GAS2L1: variants seen among roughly 807,000 people sequenced by gnomAD.
The protein encoded by GAS2L1 is GAS2-like protein 1.
GAS2L1 carries 26 observed loss-of-function variants against 44.0 expected under a neutral mutation model. The ratio of observed to expected loss-of-function variants is 0.59; its 90% CI spans 0.43 to 0.82. GAS2L1 has a LOEUF of 0.82. Ranked by LOEUF, GAS2L1 falls within the 40% of genes least tolerant of loss-of-function variation. GAS2L1 has a pLI of 0.00. For synonymous variants in GAS2L1, 426 were observed against 415.9 expected (o/e 1.02, Z -0.30); for missense variants, 1,006 against 983.0 (o/e 1.02, Z -0.31).
chr22:29,308,134 G>T (rs757706218), exon 1 of GAS2L1: 1 of 1,566,558 alleles, frequency 6.4e-7, no homozygotes, highest in South Asian at 1.2e-5. Context: ...GGCATCGCGG[G>T]CTCGGCGGCC....
intron 1 of GAS2L1, among the ~76,000 whole-genome samples, chr22:29,309,039 CCTT>C (rs1569139427): frequency 6.6e-6 from 1 of 152,242 alleles, no homozygotes; most frequent in Admixed American, 6.5e-5. Flanking sequence ...CTTGTGCATT[CCTT>C]CTTCTGGGGG....
At chr22:29,308,895 G>A (rs2061377223) in intron 1 of GAS2L1, among the ~76,000 whole-genome samples, 157 bp downstream of exon 2, 1 of 152,220 alleles carries the variant, frequency 6.6e-6, no homozygotes, top group Non-Finnish European at 1.5e-5. Flanking sequence ...ATGTATACCT[G>A]ACCCCAAGGA....
chr22:29,308,223 T>G, exon 1 of GAS2L1: 1 of 1,609,234 alleles, frequency 6.2e-7, no homozygotes, highest in Non-Finnish European at 8.5e-7. Flanking sequence ...GCTCAATGCC[T>G]TGTACGGCCT....
chr22:29,312,480 CCA>C lies in GAS2L1; in HGVS notation c.2030_2031del (p.Pro677ArgfsTer68). 1 of 1,509,940 alleles carries C rather than the reference CCA, an allele frequency of 6.6e-7. No homozygotes were observed. The highest frequency in any genetic ancestry group is 8.9e-7 in the Non-Finnish European group (1 of 1,128,630). 93.5% of individuals were successfully genotyped at this position (1,509,940 alleles called of 1,614,324 possible). A position where few individuals can be genotyped will look rare whatever the true frequency, so the allele number is the denominator to read the frequency against. ...GCACTCAGTCACCCCGAGGGCTGAGCCAGATTCCTGGATGTGATGGACCAGCT... is the reference window on the plus strand; with the variant it reads ...GCACTCAGTCACCCCGAGGGCTGAGCGATTCCTGGATGTGATGGACCAGCT... On this transcript the variant is annotated frameshift_variant, in exon 5 of 5. Coordinates refer to ENST00000618518, the Ensembl canonical transcript of GAS2L1. LOFTEE classifies it high-confidence loss of function.
At position 29,308,618 on chromosome 22, in the gene GAS2L1, A is replaced by AC. The variant is rs1569139026; in HGVS notation, c.518dup (p.Ala174SerfsTer13). 1 of 1,586,478 alleles carries AC rather than the reference A, an allele frequency of 6.3e-7. No individual in the cohort carries two copies. Among genetic ancestry groups the AC allele is most frequent in the Non-Finnish European group, 8.6e-7 (1 of 1,165,554 alleles). ...AGATTGAGCGGGAGCTGCGTGCTGC[A>AC]CCCCCAGCCCCCAACGCCCCTGCCG... On this transcript the variant is annotated frameshift_variant, in exon 1 of 5. Coordinates refer to ENST00000618518, the Ensembl canonical transcript of GAS2L1. LOFTEE classifies it high-confidence loss of function.
At chr22:29,311,728 C>T (rs913894355) in exon 5 of GAS2L1, 22 of 1,531,790 alleles carry the variant, frequency 1.4e-5, no homozygotes, top group African/African-American at 5.5e-5. Context: ...GCCCAGCTGT[C>T]GGTCCCCAGC....
In GAS2L1 at chr22:29,310,420, C is replaced by A; in HGVS notation, c.634-19C>A. 7.1e-7 allele frequency: 1 copy of A among 1,401,688 alleles called. No individual in the cohort carries two copies. Among genetic ancestry groups the A allele is most frequent in the Non-Finnish European group, 1.0e-6 (1 of 988,366 alleles). 86.8% of individuals were successfully genotyped at this position (1,401,688 alleles called of 1,614,324 possible). A position where few individuals can be genotyped will look rare whatever the true frequency, so the allele number is the denominator to read the frequency against. On this transcript the variant is annotated intron_variant, in intron 1 of 4. Coordinates refer to ENST00000618518, the Ensembl canonical transcript of GAS2L1. ...GGAGGACTTGACCTCTGACCCCTAC[C>A]CTCTCTCTCTGGCCTCAGGTGAGGG...
At chr22:29,311,790 G>A in exon 5 of GAS2L1, 3 of 1,571,524 alleles carry the variant, frequency 1.9e-6, no homozygotes, top group Non-Finnish European at 2.6e-6. Context: ...TGTGCTGCTT[G>A]TGCGCAGGGA....
intron 1 of GAS2L1, 180 bp from the exon 3 acceptor site, chr22:29,310,259 A>AAT: frequency 2.1e-5 from 7 of 328,868 alleles, no homozygotes; most frequent in Non-Finnish European, 3.8e-5. Context: ...AAAAAAAAAT[A>AAT]AAAAAAAATA....
chr22:29,311,915 C>T, exon 5 of GAS2L1: 3 of 1,603,042 alleles, frequency 1.9e-6, no homozygotes, highest in Non-Finnish European at 2.5e-6. Context: ...TTTCCCGGGT[C>T]TCCAGCCCCA....
exon 5 of GAS2L1, chr22:29,311,894 A>G (rs1460850647): frequency 1.9e-6 from 3 of 1,600,492 alleles, no homozygotes; most frequent in Non-Finnish European, 2.5e-6. Context: ...GCAGCCCTGC[A>G]GCACCCCGGC....
At position 29,312,123 on chromosome 22, in the gene GAS2L1, TCTGC is replaced by T; in HGVS notation, c.1675_1678del (p.Ala559IlefsTer56). The T allele has an allele frequency of 6.2e-7, 1 of 1,612,780 alleles. No homozygotes were observed. Among genetic ancestry groups the T allele is most frequent in the East Asian group, 2.2e-5 (1 of 44,870 alleles). On this transcript the variant is annotated frameshift_variant, in exon 5 of 5. Transcript: ENST00000618518. LOFTEE classifies it high-confidence loss of function. The stretch of plus-strand genomic sequence containing the variant: ...GGCCCCCGACCCTCCAGCTCCTGAC[TCTGC>T]CTATTGTTCCTCCAGTTCCTCCTCT...
exon 1 of GAS2L1, chr22:29,308,134 G>A (rs757706218): frequency 6.4e-7 from 1 of 1,566,558 alleles, no homozygotes; most frequent in Non-Finnish European, 8.7e-7. Flanking sequence ...GGCATCGCGG[G>A]CTCGGCGGCC....
At chr22:29,308,427 G>A (rs772163549) in exon 1 of GAS2L1, 1 of 1,606,312 alleles carries the variant, frequency 6.2e-7, no homozygotes, top group African/African-American at 1.3e-5. Context: ...CACCTTCATC[G>A]GCTGGTGCCG....
exon 1 of GAS2L1, chr22:29,308,483 C>G: frequency 6.2e-7 from 1 of 1,608,746 alleles, no homozygotes; most frequent in Non-Finnish European, 8.5e-7. Flanking sequence ...AGACTGAGGA[C>G]CTGGTGCTGC....
intron 1 of GAS2L1, 83 bp downstream of exon 2, chr22:29,308,821 CCTG>C: frequency 2.7e-6 from 3 of 1,116,974 alleles, no homozygotes; most frequent in South Asian, 3.5e-5. Flanking sequence ...CAGGGTCCAC[CCTG>C]CTATCTGCAG....
Position 29,311,010 on chromosome 22 carries a change from G to A in GAS2L1, c.1010+12G>A, listed in dbSNP as rs751530307. On this transcript the variant is annotated intron_variant, in intron 4 of 4. Coordinates refer to ENST00000618518, the Ensembl canonical transcript of GAS2L1. ...GAGACCCCACCCAGGTGAGATGCAGGAGGACGAGGAGTGAGGGGTCCAGAG... is the reference window on the plus strand; with the variant it reads ...GAGACCCCACCCAGGTGAGATGCAGAAGGACGAGGAGTGAGGGGTCCAGAG... 5 of 1,607,552 alleles carry A rather than the reference G, an allele frequency of 3.1e-6. No homozygotes were observed. Among genetic ancestry groups the A allele is most frequent in the South Asian group, 2.2e-5 (2 of 90,452 alleles).
chr22:29,307,151 C>G (rs1313623064), exon 1 of GAS2L1: 1 of 152,056 alleles, frequency 6.6e-6, no homozygotes, highest in Non-Finnish European at 1.5e-5. Context: ...CGGGATGAGC[C>G]AGGTGAGCGC....
exon 1 of GAS2L1, chr22:29,308,282 C>A: frequency 6.2e-7 from 1 of 1,608,110 alleles, no homozygotes; most frequent in Non-Finnish European, 8.5e-7. Context: ...TGGCCACGGG[C>A]ACGACCCTGT....
Sources: allele counts gnomAD v4.1 joint callset (sites outside exome capture counted in the v4.1 genomes callset), GRCh38; gene constraint gnomAD v4.1.1; transcripts MANE v1.5; gene names NCBI Gene and HGNC (gene_info 2026-07-23, HGNC 2026-07-21).